DENND1B: variants seen among roughly 807,000 people sequenced by gnomAD.
DENND1B encodes DENN domain containing 1B.
Under a neutral mutation model 90.1 loss-of-function variants are expected in DENND1B, and 59 were observed. The ratio of observed to expected loss-of-function variants is 0.65; its 90% CI spans 0.53 to 0.81. The LOEUF is 0.81. DENND1B is among the 40% of genes least tolerant of loss of function. The pLI, the probability that DENND1B is intolerant of heterozygous loss-of-function variation, is 0.00. For missense variants in DENND1B, 862 were observed against 912.6 expected (o/e 0.94, Z 0.71); for synonymous variants, 337 against 324.6 (o/e 1.04, Z -0.41).
At chr1:197,724,757 C>T (rs1199047439) in intron 2 of DENND1B, among the ~76,000 whole-genome samples, 1 of 151,970 alleles carries the variant, frequency 6.6e-6, no homozygotes, top group East Asian at 1.9e-4. Context: ...AATAACATAA[C>T]TCAAAACATG....
intron 15 of DENND1B, among the ~76,000 whole-genome samples, chr1:197,579,885 C>G (rs1162024548): frequency 6.6e-6 from 1 of 152,014 alleles, no homozygotes; most frequent in African/African-American, 2.4e-5. Flanking sequence ...TGGCTTTGCA[C>G]TCTTTGAAGT....
At chr1:197,649,460 T>C (rs1014853397) in intron 7 of DENND1B, among the ~76,000 whole-genome samples, 3 of 152,030 alleles carry the variant, frequency 2.0e-5, no homozygotes, top group Admixed American at 2.0e-4. Context: ...GGTTAAAGAA[T>C]GGAATAATGT....
intron 15 of DENND1B, among the ~76,000 whole-genome samples, chr1:197,555,463 C>T (rs1476773498): frequency 6.6e-6 from 1 of 151,790 alleles, no homozygotes; most frequent in Non-Finnish European, 1.5e-5. Flanking sequence ...ACTATGCATC[C>T]AACAAAGGAC....
At chr1:197,756,220 G>A (rs1294646737) in intron 2 of DENND1B, among the ~76,000 whole-genome samples, 1 of 152,116 alleles carries the variant, frequency 6.6e-6, no homozygotes, top group Non-Finnish European at 1.5e-5. Flanking sequence ...GTTCCTCTGT[G>A]GATTTTAGCC....
chr1:197,759,424 GA>G (rs200415797), intron 2 of DENND1B, among the ~76,000 whole-genome samples: 229 of 145,916 alleles, frequency 1.6e-3, no homozygotes, highest in East Asian at 0.012. Flanking sequence ...TATAATAAAT[GA>G]AAAAAAAACA....
intron 2 of DENND1B, among the ~76,000 whole-genome samples, chr1:197,737,758 AT>A (rs2102349532): frequency 1.3e-5 from 2 of 151,394 alleles, no homozygotes; most frequent in South Asian, 4.2e-4. Flanking sequence ...AAATTGGTGA[AT>A]TTAAAAATAA....
chr1:197,517,015 T>C (rs1668446150), intron 20 of DENND1B, among the ~76,000 whole-genome samples: 1 of 151,880 alleles, frequency 6.6e-6, no homozygotes, highest in South Asian at 2.1e-4. Context: ...AAATGTACTA[T>C]TAATCTCATT....
At chr1:197,652,170 C>T (rs1000151608) in intron 7 of DENND1B, 65 bp downstream of exon 7, 39 of 1,346,388 alleles carry the variant, frequency 2.9e-5, no homozygotes, top group Non-Finnish European at 3.6e-5. Flanking sequence ...TGAAGGTACA[C>T]GTGCTCTTAA....
intron 15 of DENND1B, among the ~76,000 whole-genome samples, chr1:197,557,708 C>T (rs946320503): frequency 2.0e-5 from 3 of 151,820 alleles, no homozygotes; most frequent in Admixed American, 6.6e-5. Context: ...AACTGAAAAG[C>T]GTTATTAATG....
chr1:197,548,133 T>C (rs188305195), intron 16 of DENND1B, among the ~76,000 whole-genome samples: 135 of 152,342 alleles, frequency 8.9e-4, no homozygotes, highest in Non-Finnish European at 1.8e-3. Flanking sequence ...GATAAAAGTT[T>C]CAAACTATCG....
Position 197,553,049 on chromosome 1 carries a change from C to G in DENND1B, c.1213G>C (p.Glu405Gln), listed in dbSNP as rs773308113. ...GRGFSDVFEE[E>Q]ITSGGFCGGN... is the part of the protein sequence containing the mutation. ...CCACAAAAGCCACCTGAAGTGATCT[C>G]TTCTTCAAATACATCAGAGAAACCC... The change falls in exon 16 of 23, where the codon GAG (glutamate) becomes CAG (glutamine). Residue 405 changes from glutamate (E) to glutamine (Q), a missense_variant. Coordinates refer to ENST00000620048, the MANE Select transcript of DENND1B (RefSeq NM_001195215.2). 2.5e-6 allele frequency: 4 copies of G among 1,569,026 alleles called. No individual in the cohort carries two copies. In the South Asian group the frequency reaches 4.9e-5, roughly 19 times the overall value.
Position 197,775,086 on chromosome 1 carries a change from G to C in DENND1B, c.17+53C>G, listed in dbSNP as rs1020948877. The C allele has an allele frequency of 7.5e-6, 9 of 1,192,930 alleles. No homozygotes were observed. In the African/African-American group the frequency reaches 1.4e-4, roughly 19 times the overall value. 73.9% of individuals were successfully genotyped at this position (1,192,930 alleles called of 1,614,324 possible). A position where few individuals can be genotyped will look rare whatever the true frequency, so the allele number is the denominator to read the frequency against. On this transcript the variant is annotated intron_variant, in intron 1 of 22. Coordinates refer to ENST00000620048, the MANE Select transcript of DENND1B (RefSeq NM_001195215.2). ...GCGCGGAGGAGCCGAGCTGGCCTGG[G>C]AGGGGCCGCCGAGGGACGCCCGCCC...
Position 197,510,747 on chromosome 1 carries a change from T to C in DENND1B, c.2041A>G (p.Thr681Ala), listed in dbSNP as rs1281809333. The change falls in exon 23 of 23, where the codon ACT becomes GCT. Residue 681 changes from threonine to alanine, a missense_variant. Transcript: ENST00000620048. Reference sequence around the variant, plus strand: ...GTGAGTTGGAAATCCAGTCCTGAAGTAGGGTCACTCACATTGTCAGCACCG... The same window carrying C: ...GTGAGTTGGAAATCCAGTCCTGAAGCAGGGTCACTCACATTGTCAGCACCG... ...HLGADNVSDP[T>A]SGLDFQLTSP... 2 of 1,612,692 alleles carry C rather than the reference T, an allele frequency of 1.2e-6. No individual in the cohort carries two copies. Among genetic ancestry groups the C allele is most frequent in the Middle Eastern group, 1.7e-4 (1 of 6,048 alleles).
At chr1:197,713,791 TA>T (rs1202594478) in intron 3 of DENND1B, among the ~76,000 whole-genome samples, 1 of 18,732 alleles carries the variant, frequency 5.3e-5, no homozygotes, top group African/African-American at 1.7e-4. Context: ...TATATTATAA[TA>T]TTATTATATT....
intron 2 of DENND1B, among the ~76,000 whole-genome samples, chr1:197,726,675 G>A (rs182525314): frequency 2.2e-3 from 333 of 152,298 alleles, no homozygotes; most frequent in Admixed American, 3.7e-3. Context: ...CAGTACTTAT[G>A]AGATACCCCT....
At chr1:197,679,001 G>A (rs898000836) in intron 3 of DENND1B, among the ~76,000 whole-genome samples, 4 of 152,080 alleles carry the variant, frequency 2.6e-5, no homozygotes, top group Non-Finnish European at 5.9e-5. Context: ...ATTAGGGAAA[G>A]CACTCTAAGT....
At chr1:197,652,425 T>C in intron 6 of DENND1B, 110 bp from the exon 7 acceptor site, 1 of 761,838 alleles carries the variant, frequency 1.3e-6, no homozygotes, top group Non-Finnish European at 2.0e-6. Context: ...AGACATATTT[T>C]ATATAAATGT....
intron 20 of DENND1B, among the ~76,000 whole-genome samples, chr1:197,534,598 T>G (rs1669744871): frequency 6.6e-6 from 1 of 152,230 alleles, no homozygotes; most frequent in Non-Finnish European, 1.5e-5. Flanking sequence ...GTGCAGGGAA[T>G]AGGCCTTAAC....
In DENND1B at chr1:197,504,769, T is replaced by G. The variant is rs994997609; in HGVS notation, c.*5691A>C. 6.6e-6 allele frequency: 1 copy of G among 151,854 alleles called. No homozygotes were observed. The highest frequency in any genetic ancestry group is 2.4e-5 in the African/African-American group (1 of 41,394). 9.4% of individuals were successfully genotyped at this position (151,854 alleles called of 1,614,324 possible). A position where few individuals can be genotyped will look rare whatever the true frequency, so the allele number is the denominator to read the frequency against. On this transcript the variant is annotated 3_prime_UTR_variant, in exon 23 of 23. Coordinates refer to ENST00000620048, the MANE Select transcript of DENND1B (RefSeq NM_001195215.2). ...AAAGTTTAATTGTGACCAATTTTAT[T>G]TTAGAACTGCATTTTTGGGTGTTTT...
Sources: allele counts gnomAD v4.1 joint callset (sites outside exome capture counted in the v4.1 genomes callset), GRCh38; gene constraint gnomAD v4.1.1; transcripts MANE v1.5; gene names NCBI Gene and HGNC (gene_info 2026-07-23, HGNC 2026-07-21).